The following LETMD1 variants were observed in gnomAD, a reference collection of about 807,000 sequenced individuals.
LETMD1 encodes LETM1 domain-containing protein 1.
In LETMD1, 30 loss-of-function variants were observed where a neutral mutation model predicts 43.9. That is an observed-to-expected ratio of 0.68 (90% CI 0.51 to 0.93). LETMD1 has a LOEUF of 0.93. Ranked by LOEUF, LETMD1 falls within the 40% of genes least tolerant of loss-of-function variation. LETMD1 has a pLI of 0.00. For missense variants in LETMD1, 413 were observed against 447.7 expected, an observed-to-expected ratio of 0.92 and a Z score of 0.70; for synonymous variants, 176 against 163.1, an observed-to-expected ratio of 1.08 and a Z score of -0.60.
At chr12:51,051,719 A>C (rs1461484131) in intron 2 of LETMD1, among the ~76,000 whole-genome samples, 1 of 152,158 alleles carries the variant, frequency 6.6e-6, no homozygotes, top group Non-Finnish European at 1.5e-5. Flanking sequence ...AAAAAAGAAA[A>C]AAAAAGTTCC....
At chr12:51,050,299 T>C (rs1945660685) in intron 2 of LETMD1, among the ~76,000 whole-genome samples, 1 of 151,694 alleles carries the variant, frequency 6.6e-6, no homozygotes, top group African/African-American at 2.4e-5. Flanking sequence ...CTCGGTTCAC[T>C]GCAACCTCTG....
At position 51,049,284 on chromosome 12, in the gene LETMD1, G is replaced by A. The variant is rs1398065623; in HGVS notation, c.274+99G>A. ...CATTTGCAGGTTCTGCTATGGGGAT[G>A]TGAGCCGAGATATCTTATATTTCAT... is the stretch of plus-strand genomic sequence containing the variant. On this transcript the variant is annotated intron_variant, in intron 2 of 8. Coordinates refer to ENST00000262055, the MANE Select transcript of LETMD1 (RefSeq NM_015416.5). 1.5e-5 allele frequency: 16 copies of A among 1,049,876 alleles called. No individual in the cohort carries two copies. The Admixed American group carries it at 2.3e-4, about 15-fold the overall frequency. The allele number at this position is 1,049,876 out of a possible 1,614,324, so 65.0% of individuals were successfully genotyped here. A position where few individuals can be genotyped will look rare whatever the true frequency, so the allele number is the denominator to read the frequency against.
chr12:51,054,676 G>A (rs953562700), intron 4 of LETMD1, among the ~76,000 whole-genome samples: 3 of 152,188 alleles, frequency 2.0e-5, no homozygotes, highest in Non-Finnish European at 4.4e-5. Context: ...CTGCTGCTCT[G>A]TCCTATTGAT....
Position 51,055,906 on chromosome 12 carries a change from T to C in LETMD1, c.545T>C (p.Ile182Thr), listed in dbSNP as rs746081617. 1 of 1,613,934 alleles carries C rather than the reference T, an allele frequency of 6.2e-7. No individual in the cohort carries two copies. Among genetic ancestry groups the C allele is most frequent in the Non-Finnish European group, 8.5e-7 (1 of 1,179,884 alleles). Residue 182 changes from isoleucine (I) to threonine (T), a missense_variant, in exon 5 of 9, where the codon ATC becomes ACC. By Grantham distance (89) the Ile-to-Thr change is moderately conservative (BLOSUM62 -1). Coordinates refer to ENST00000262055, the MANE Select transcript of LETMD1 (RefSeq NM_015416.5). ...TPKQQTDFLDIYHAFRKQSHP... is the reference protein window; with the variant it reads ...TPKQQTDFLDTYHAFRKQSHP... ...AAACAACAAACTGATTTCTTAGATATCTATCATGCTTTCCGGAAGCAGTCC... is the reference window on the plus strand; with the variant it reads ...AAACAACAAACTGATTTCTTAGATACCTATCATGCTTTCCGGAAGCAGTCC...
chr12:51,067,911 A>G, the LETMD1 span: 1 of 1,614,110 alleles, frequency 6.2e-7, no homozygotes, highest in African/African-American at 1.3e-5. This position sits in a 1 kb window ranked among gnomAD's most constrained non-coding sequence, Gnocchi z 4.1. Context: ...TTCATCTGAC[A>G]CATCATCCAG....
At chr12:51,064,663 G>A (rs1403121821), downstream of LETMD1, 8 of 1,520,212 alleles carry the variant, frequency 5.3e-6, no homozygotes, top group Non-Finnish European at 6.2e-6. Context: ...AAGGACATGC[G>A]ATCCACCTGA....
At chr12:51,052,881 G>A (rs1408927350) in intron 3 of LETMD1, among the ~76,000 whole-genome samples, 4 of 151,850 alleles carry the variant, frequency 2.6e-5, no homozygotes, top group South Asian at 4.2e-4. Context: ...TGAGGTGGGC[G>A]GATCACCTGA....
chr12:51,067,600 T>G, the LETMD1 span: 2 of 1,454,684 alleles, frequency 1.4e-6, no homozygotes, highest in Non-Finnish European at 1.9e-6. The surrounding 1 kb of genome is among the most constrained non-coding windows in gnomAD (Gnocchi z 4.1). Context: ...GGGCCTCCCA[T>G]GTTCAGTGGC....
At chr12:51,049,811 T>G (rs556723854) in intron 2 of LETMD1, among the ~76,000 whole-genome samples, 34 of 152,336 alleles carry the variant, frequency 2.2e-4, no homozygotes, top group African/African-American at 7.9e-4. Context: ...GGAACCTACC[T>G]ATTTATCACA....
chr12:51,062,982 G>C (rs527525944), downstream of LETMD1: 1 of 152,340 alleles, frequency 6.6e-6, no homozygotes, highest in Admixed American at 6.5e-5. Flanking sequence ...AGAAGGCTCA[G>C]GCTCGTTATA....
chr12:51,063,874 A>T (rs1277522514), downstream of LETMD1: 2 of 1,613,928 alleles, frequency 1.2e-6, no homozygotes, highest in Non-Finnish European at 1.7e-6. Flanking sequence ...GGGGACCAGG[A>T]AGGGTGGAAG....
At chr12:51,048,963 C>T (rs774977491) in intron 1 of LETMD1, 71 bp from the exon 2 acceptor site, 62 of 1,397,120 alleles carry the variant, frequency 4.4e-5, no homozygotes, top group Middle Eastern at 2.0e-4. Context: ...TCCTGCTTTA[C>T]ATTAGGGACT....
At chr12:51,050,343 C>T (rs1255300802) in intron 2 of LETMD1, among the ~76,000 whole-genome samples, 1 of 151,814 alleles carries the variant, frequency 6.6e-6, no homozygotes, top group Non-Finnish European at 1.5e-5. Flanking sequence ...CTGCCTTAGC[C>T]TCCCAAGTAG....
rs576867748 is a variant in LETMD1 at position 51,058,407 on chromosome 12, C to CTTTA, written c.1012+303_1012+306dup. ...TTCCTTATGGGGGGAATATCCTGTG[C>CTTTA]TTTATTTATTTATTTATTTATTTAT... On this transcript the variant is annotated intron_variant, in intron 8 of 8. Coordinates refer to ENST00000262055, the MANE Select transcript of LETMD1 (RefSeq NM_015416.5). The CTTTA allele has an allele frequency of 5.4e-3, 1,982 of 365,096 alleles. 27 individuals are homozygous for CTTTA. The highest frequency in any genetic ancestry group is 0.033 in the African/African-American group (1,552 of 47,386). 22.6% of individuals were successfully genotyped at this position (365,096 alleles called of 1,614,324 possible).
At chr12:51,055,782 C>T in intron 4 of LETMD1, 53 bp from the exon 5 acceptor site, 2 of 1,340,640 alleles carry the variant, frequency 1.5e-6, no homozygotes, top group Admixed American at 2.1e-5. Context: ...CTTTGGCTTC[C>T]TCTGAAAGAA....
chr12:51,055,350 T>C (rs1041025540), intron 4 of LETMD1, among the ~76,000 whole-genome samples: 8 of 152,050 alleles, frequency 5.3e-5, no homozygotes, highest in South Asian at 2.1e-4. Flanking sequence ...GTGTGTCTTA[T>C]AAACTTTGGT....
chr12:51,065,981 T>C, the LETMD1 span, among the ~76,000 whole-genome samples: 1 of 152,196 alleles, frequency 6.6e-6, no homozygotes. Context: ...AGGGATGGTA[T>C]TGCTGTTTTC....
At chr12:51,050,505 G>T (rs374092756) in intron 2 of LETMD1, among the ~76,000 whole-genome samples, 1 of 151,744 alleles carries the variant, frequency 6.6e-6, no homozygotes, top group African/African-American at 2.4e-5. Flanking sequence ...ACAGGCTTGA[G>T]CCACCGCGCC....
At chr12:51,054,090 GC>G (rs1196668411) in intron 4 of LETMD1, among the ~76,000 whole-genome samples, 1 of 151,956 alleles carries the variant, frequency 6.6e-6, no homozygotes, top group Non-Finnish European at 1.5e-5. Context: ...TCTCTTAGCT[GC>G]CCTGAGTCAT....
Sources: gnomAD v4.1 joint callset for allele counts (sites outside exome capture counted in the v4.1 genomes callset) on GRCh38, gnomAD v4.1.1 for gene constraint, Gnocchi (gnomAD v3.1) non-coding constraint, MANE v1.5 for transcripts, NCBI Gene and HGNC (gene_info 2026-07-23, HGNC 2026-07-21) for gene names.